SUPT6H: variants seen among roughly 807,000 people sequenced by gnomAD.
SUPT6H encodes the protein transcription elongation factor SPT6.
A neutral mutation model predicts 222.3 loss-of-function variants in SUPT6H; 11 were observed. The ratio of observed to expected loss-of-function variants is 0.05; its 90% CI spans 0.03 to 0.08. The LOEUF (loss-of-function observed/expected upper bound fraction) is 0.08, where lower values mean the gene tolerates loss of function less well. Among genes scored for constraint, SUPT6H ranks in the 10% least tolerant of loss-of-function variants. SUPT6H has a pLI of 1.00. For synonymous variants in SUPT6H, 762 were observed against 801.2 expected (o/e 0.95, Z 0.83); for missense variants, 1,422 against 2,216.0 (o/e 0.64, Z 7.19).
chr17:28,675,844 G>T (rs1195319045), intron 6 of SUPT6H, among the ~76,000 whole-genome samples: 2 of 152,200 alleles, frequency 1.3e-5, no homozygotes, highest in Non-Finnish European at 2.9e-5. Flanking sequence ...GAAAGCTTTT[G>T]CCCTGAGGGA....
intron 23 of SUPT6H, 61 bp downstream of exon 23, chr17:28,687,532 A>ATG: frequency 1.3e-6 from 2 of 1,544,106 alleles, no homozygotes; most frequent in South Asian, 2.4e-5. Flanking sequence ...ATGAATATAT[A>ATG]CTTTGTCAGT....
In SUPT6H at chr17:28,701,550, C is replaced by T. The variant is rs1336633876; in HGVS notation, c.5106C>T (p.Pro1702=). ...AGCGGCTGACACCTCGGCCCTCCCC[C>T]AGCCCCATGATCGAAAGCACCCCCA... ...QKQRLTPRPS[P]SPMIESTPMS... Residue 1702 remains proline, a synonymous_variant, in exon 37 of 37, where the codon CCC becomes CCT. Coordinates refer to ENST00000314616, the MANE Select transcript of SUPT6H (RefSeq NM_003170.5). 2 of 1,614,152 alleles carry T rather than the reference C, an allele frequency of 1.2e-6. No individual in the cohort carries two copies. Among genetic ancestry groups the T allele is most frequent in the Non-Finnish European group, 1.7e-6 (2 of 1,180,018 alleles).
chr17:28,667,401 G>GTATATATATA (rs1487315926), intron 1 of SUPT6H, among the ~76,000 whole-genome samples: 2 of 20,026 alleles, frequency 1.0e-4, no homozygotes, highest in Non-Finnish European at 2.8e-4. Context: ...AAAAGTGTGT[G>GTATATATATA]TGTGTATATA....
In SUPT6H at chr17:28,681,918, G is replaced by A. The variant is rs1311910153; in HGVS notation, c.1535G>A (p.Gly512Glu). ...GDEAEDEEQR[G>E]PELKQASRRD... ...GAGGCAGAAGATGAGGAGCAGAGGG[G>A]GCCTGAGCTCAAGCAAGCCTCTCGC... Residue 512 changes from glycine (G) to glutamate (E), a missense_variant, in exon 13 of 37, where the codon GGG becomes GAG. Transcript: ENST00000314616. 4 of 1,610,606 alleles carry A rather than the reference G, an allele frequency of 2.5e-6. No homozygotes were observed. The highest frequency in any genetic ancestry group is 2.2e-5 in the East Asian group (1 of 44,782).
rs749353715 is a variant in SUPT6H at position 28,684,775 on chromosome 17, T to G, written c.2369+50T>G. 37 of 1,612,850 alleles carry G rather than the reference T, an allele frequency of 2.3e-5. No homozygotes were observed. The South Asian group carries it at 4.1e-4, about 18-fold the overall frequency. On this transcript the variant is annotated intron_variant, in intron 18 of 36. Transcript: ENST00000314616. ...AGCACCATCTCTTGTCTTCCTAATT[T>G]CATTTTTCTCTCATTCATAACTTCA...
intron 11 of SUPT6H, chr17:28,681,040 G>A (rs760946476): frequency 2.6e-5 from 13 of 499,614 alleles, no homozygotes; most frequent in Non-Finnish European, 4.3e-5. Flanking sequence ...AGCCTCAACC[G>A]CCCGGGTTCA....
intron 1 of SUPT6H, among the ~76,000 whole-genome samples, chr17:28,667,365 C>T (rs1368554899): frequency 2.2e-5 from 2 of 90,278 alleles, no homozygotes; most frequent in African/African-American, 4.6e-5. Flanking sequence ...AGCAAGACTC[C>T]GTCTCAAAAA....
rs781145541 is a variant in SUPT6H at position 28,699,834 on chromosome 17, T to G, written c.4502T>G (p.Phe1501Cys). 2 of 1,614,204 alleles carry G rather than the reference T, an allele frequency of 1.2e-6. No homozygotes were observed. The highest frequency in any genetic ancestry group is 8.5e-7 in the Non-Finnish European group (1 of 1,180,018). Residue 1501 changes from phenylalanine (F) to cysteine (C), a missense_variant, in exon 33 of 37, where the codon TTC (phenylalanine) becomes TGC (cysteine). Physicochemically the swap from Phe to Cys is radical, Grantham distance 205 (BLOSUM62 -2). Coordinates refer to ENST00000314616, the MANE Select transcript of SUPT6H (RefSeq NM_003170.5). Reference protein sequence around the residue: ...PEGFRYRGQIFPTVNGLFRWF... With the variant: ...PEGFRYRGQICPTVNGLFRWF... Reference sequence around the variant, plus strand: ...GGATTCCGGTACCGGGGCCAGATCTTCCCAACCGTGAATGGACTGTTTAGA... The same window carrying G: ...GGATTCCGGTACCGGGGCCAGATCTGCCCAACCGTGAATGGACTGTTTAGA...
chr17:28,700,212 C>T lies in SUPT6H; in HGVS notation c.4601C>T (p.Ala1534Val), dbSNP rs2032077307. 1.2e-6 allele frequency: 2 copies of T among 1,614,232 alleles called. No individual in the cohort carries two copies. The highest frequency in any genetic ancestry group is 2.2e-5 in the East Asian group (1 of 44,892). ...PSSSSRTRTPASINATPANIN... is the reference protein window; with the variant it reads ...PSSSSRTRTPVSINATPANIN... ...AGCAGCAGCAGGACCCGGACACCTGCCTCTATCAATGCTACCCCAGCCAAC... is the reference window on the plus strand; with the variant it reads ...AGCAGCAGCAGGACCCGGACACCTGTCTCTATCAATGCTACCCCAGCCAAC... Residue 1534 changes from alanine to valine, a missense_variant, in exon 34 of 37, where the codon GCC (alanine) becomes GTC (valine). Physicochemically the swap from Ala to Val is moderately conservative, Grantham distance 64 (BLOSUM62 0). This residue lies in a region of SUPT6H where 395 missense variants were observed against 580.6 expected (regional missense o/e 0.68). Transcript: ENST00000314616.
rs1439653768 is a variant in SUPT6H at position 28,681,525 on chromosome 17, C to T, written c.1498+121C>T. 5 of 1,266,958 alleles carry T rather than the reference C, an allele frequency of 3.9e-6. No individual in the cohort carries two copies. In the African/African-American group the frequency reaches 7.6e-5, roughly 19 times the overall value. 78.5% of individuals were successfully genotyped at this position (1,266,958 alleles called of 1,614,324 possible). ...TCACCTGAGGTCAGGAGTTCGAGAC[C>T]AGCCTGGCCAACATGGCAAAACCCC... On this transcript the variant is annotated intron_variant, in intron 12 of 36. Coordinates refer to ENST00000314616, the MANE Select transcript of SUPT6H (RefSeq NM_003170.5).
Position 28,678,619 on chromosome 17 carries a change from G to T in SUPT6H, c.1191G>T (p.Trp397Cys), listed in dbSNP as rs760206653. 6.2e-7 allele frequency: 1 copy of T among 1,614,142 alleles called. No homozygotes were observed. Among genetic ancestry groups the T allele is most frequent in the Non-Finnish European group, 8.5e-7 (1 of 1,180,022 alleles). The change falls in exon 10 of 37, where the codon TGG (tryptophan) becomes TGT (cysteine). Residue 397 changes from tryptophan (W) to cysteine (C), a missense_variant. Around this residue, in one of 13 missense-constraint regions of SUPT6H, gnomAD observed 389 missense variants for 544.6 expected, o/e 0.71. Coordinates refer to ENST00000314616, the MANE Select transcript of SUPT6H (RefSeq NM_003170.5). ...ACATCAATGACCTATGGAGAGTCTG[G>T]CAGTGGGATGAAAAGGTAATGTAGA... ...ELHINDLWRV[W>C]QWDEKWTQLR...
intron 30 of SUPT6H, 67 bp from the exon 31 acceptor site, chr17:28,697,553 T>C: frequency 7.4e-7 from 1 of 1,355,328 alleles, no homozygotes; most frequent in Non-Finnish European, 1.0e-6. Context: ...GTTTTTCTTC[T>C]GGATGGATTT....
chr17:28,677,678 T>TA (rs2030840079), intron 7 of SUPT6H, 37 bp from the exon 8 acceptor site: 2 of 1,475,916 alleles, frequency 1.4e-6, no homozygotes, highest in South Asian at 1.2e-5. Context: ...AGACACAAGA[T>TA]AAAGTCCGTC....
At chr17:28,663,828 A>AGTTTTTTTTTTTTTTT (rs2072113255) in intron 1 of SUPT6H, among the ~76,000 whole-genome samples, 1 of 38,374 alleles carries the variant, frequency 2.6e-5, no homozygotes, top group Non-Finnish European at 4.7e-5. Flanking sequence ...TGCCCACTCC[A>AGTTTTTTTTTTTTTTT]TTTTTTTTTT....
chr17:28,695,334 A>C lies in SUPT6H; in HGVS notation c.3775-18A>C. 1 of 1,609,110 alleles carries C rather than the reference A, an allele frequency of 6.2e-7. No homozygotes were observed. The highest frequency in any genetic ancestry group is 8.5e-7 in the Non-Finnish European group (1 of 1,176,642). On this transcript the variant is annotated intron_variant, in intron 28 of 36. Transcript: ENST00000314616. ...GATCATCTTTGTCCCTTCCAGCTCA[A>C]ATGTTCTGTGGATCTAGGTGGGAAT...
At chr17:28,690,890 C>A (rs763010229) in intron 26 of SUPT6H, 31 bp from the exon 27 acceptor site, 1 of 1,606,768 alleles carries the variant, frequency 6.2e-7, no homozygotes, top group East Asian at 2.2e-5. Flanking sequence ...ATTCTCTGAG[C>A]CTGCTCCCCA....
rs2031977854 is a variant in SUPT6H, at chr17:28,697,537, C to T, written c.4210-83C>T. 6.2e-6 allele frequency: 7 copies of T among 1,134,594 alleles called. No homozygotes were observed. The Admixed American group carries it at 1.2e-4, about 20-fold the overall frequency. The allele number at this position is 1,134,594 out of a possible 1,614,324, so 70.3% of individuals were successfully genotyped here. Reference sequence around the variant, plus strand: ...CTATGGACTGAGAAGCCCATCCCCTCCCATGGTTTTTCTTCTGGATGGATT... The same window carrying T: ...CTATGGACTGAGAAGCCCATCCCCTTCCATGGTTTTTCTTCTGGATGGATT... On this transcript the variant is annotated intron_variant, in intron 30 of 36. Transcript: ENST00000314616.
intron 19 of SUPT6H, among the ~76,000 whole-genome samples, chr17:28,685,464 A>T (rs564738463): frequency 8.9e-6 from 1 of 112,628 alleles, no homozygotes; most frequent in Non-Finnish European, 1.9e-5. Context: ...TTTAAATTTT[A>T]TTATTATCAT....
In SUPT6H at chr17:28,683,285, C is replaced by G; in HGVS notation, c.1896C>G (p.His632Gln). The G allele has an allele frequency of 2.5e-6, 4 of 1,614,172 alleles. No homozygotes were observed. Among genetic ancestry groups the G allele is most frequent in the Non-Finnish European group, 3.4e-6 (4 of 1,180,008 alleles). Residue 632 changes from histidine to glutamine, a missense_variant, in exon 16 of 37, where the codon CAC becomes CAG. His to Gln is a conservative substitution (Grantham distance 24). Transcript: ENST00000314616. ...GTGTGCAGGATGTGGATGAGGCCCACTATGCCTATTCCTTCAAGTATTTAA... is the reference window on the plus strand; with the variant it reads ...GTGTGCAGGATGTGGATGAGGCCCAGTATGCCTATTCCTTCAAGTATTTAA... ...KKGRKDVDEA[H>Q]YAYSFKYLKN...
Sources: allele counts gnomAD v4.1 joint callset (sites outside exome capture counted in the v4.1 genomes callset), GRCh38; gene constraint gnomAD v4.1.1; regional missense constraint gnomAD v4.1.1; transcripts MANE v1.5; gene names NCBI Gene and HGNC (gene_info 2026-07-23, HGNC 2026-07-21).